The following UBE3B variants were observed in gnomAD, a reference collection of about 807,000 sequenced individuals.
UBE3B encodes the protein ubiquitin protein ligase E3B.
UBE3B carries 80 observed loss-of-function variants against 132.3 expected under a neutral mutation model. The ratio of observed to expected loss-of-function variants is 0.60; its 90% confidence interval spans 0.50 to 0.73. UBE3B has a LOEUF of 0.73. UBE3B is among the 30% of genes least tolerant of loss of function. UBE3B has a pLI of 0.00. For synonymous variants in UBE3B, 487 were observed against 520.4 expected, an observed-to-expected ratio of 0.94 and a Z score of 0.87; for missense variants, 1,196 against 1,362.5, an observed-to-expected ratio of 0.88 and a Z score of 1.92.
At chr12:109,499,941 TAAA>T in intron 12 of UBE3B, 131 bp downstream of exon 12, 2 of 806,016 alleles carry the variant, frequency 2.5e-6, no homozygotes, top group Non-Finnish European at 3.3e-6. Context: ...TATATATTAA[TAAA>T]TTGTGAGTAA....
intron 24 of UBE3B, chr12:109,528,335 C>T (rs1162969214): frequency 8.1e-6 from 8 of 985,176 alleles, no homozygotes; most frequent in Non-Finnish European, 9.6e-6. Context: ...TAAAGTGGAG[C>T]AGTACTCGTC....
At chr12:109,488,740 T>C (rs1876933052) in intron 7 of UBE3B, 72 bp downstream of exon 7, 1 of 1,458,612 alleles carries the variant, frequency 6.9e-7, no homozygotes, top group Admixed American at 1.7e-5. Flanking sequence ...TTTTTTCCTT[T>C]GTAAGAAGCA....
chr12:109,516,648 G>C lies in UBE3B; in HGVS notation c.1957-117G>C, dbSNP rs146206475. ...CTTCTAACTGGTAGCACATGTTAAG[G>C]CATCCCATTCTGCTTGCATCTCATC... On this transcript the variant is annotated intron_variant, in intron 18 of 27. Coordinates refer to ENST00000342494, the MANE Select transcript of UBE3B (RefSeq NM_130466.4). 6.5e-5 allele frequency: 97 copies of C among 1,486,608 alleles called. 1 individual carries two copies. The African/African-American group carries it at 1.2e-3, about 18-fold the overall frequency. The allele number at this position is 1,486,608 out of a possible 1,614,324, so 92.1% of individuals were successfully genotyped here. A position where few individuals can be genotyped will look rare whatever the true frequency, so the allele number is the denominator to read the frequency against.
At position 109,511,388 on chromosome 12, in the gene UBE3B, G is replaced by A; in HGVS notation, c.1956+85G>A. On this transcript the variant is annotated intron_variant, in intron 18 of 27. Transcript: ENST00000342494. Reference sequence around the variant, plus strand: ...CCTTTCCATCCTTGCTATGGCAATTGGAGGTGACTAAGTGGGATCATTCAT... The same window carrying A: ...CCTTTCCATCCTTGCTATGGCAATTAGAGGTGACTAAGTGGGATCATTCAT... 3 of 1,231,160 alleles carry A rather than the reference G, an allele frequency of 2.4e-6. No individual in the cohort carries two copies. In the South Asian group the frequency reaches 4.0e-5, roughly 16 times the overall value. 76.3% of individuals were successfully genotyped at this position (1,231,160 alleles called of 1,614,324 possible).
rs1018658440 is a variant in UBE3B at position 109,498,490 on chromosome 12, A to G, written c.940+137A>G. The G allele has an allele frequency of 5.8e-5, 58 of 1,006,924 alleles. No homozygotes were observed. In the African/African-American group the frequency reaches 8.2e-4, roughly 14 times the overall value. The allele number at this position is 1,006,924 out of a possible 1,614,324, so 62.4% of individuals were successfully genotyped here. On this transcript the variant is annotated intron_variant, in intron 11 of 27. Coordinates refer to ENST00000342494, the MANE Select transcript of UBE3B (RefSeq NM_130466.4). ...CTTACAATAAAAAACACGTATTTAG[A>G]TAGACAGTTAAAATAGACATGTAAA...
intron 19 of UBE3B, among the ~76,000 whole-genome samples, chr12:109,518,410 A>T (rs1238958356): frequency 6.6e-6 from 1 of 152,234 alleles, no homozygotes; most frequent in Non-Finnish European, 1.5e-5. Context: ...GAACTCTGTA[A>T]AGTGCCTAGA....
At chr12:109,485,725 G>T (rs987277171) in intron 4 of UBE3B, among the ~76,000 whole-genome samples, 1 of 152,210 alleles carries the variant, frequency 6.6e-6, no homozygotes, top group Non-Finnish European at 1.5e-5. Flanking sequence ...TTGCCAGATT[G>T]ATACTGTTTT....
At position 109,526,383 on chromosome 12, in the gene UBE3B, G is replaced by A. The variant is rs1170747250; in HGVS notation, c.2594G>A (p.Gly865Glu). ...CTTGTTTGCCATGAACTGATTCCTG[G>A]AGGGAAGACCATTCCTGTTACAAAT... is the stretch of plus-strand genomic sequence containing the variant. ...GQLVCHELIP[G>E]GKTIPVTNEN... The change falls in exon 24 of 28, where the codon GGA (glycine) becomes GAA (glutamate). Residue 865 changes from glycine (G) to glutamate (E), a missense_variant. Physicochemically the swap from Gly to Glu is moderately conservative, Grantham distance 98. Coordinates refer to ENST00000342494, the MANE Select transcript of UBE3B (RefSeq NM_130466.4). The A allele has an allele frequency of 1.2e-6, 2 of 1,614,118 alleles. No individual in the cohort carries two copies. The highest frequency in any genetic ancestry group is 2.2e-5 in the East Asian group (1 of 44,874).
intron 8 of UBE3B, chr12:109,490,714 T>C: frequency 7.0e-7 from 1 of 1,433,240 alleles, no homozygotes; most frequent in Non-Finnish European, 9.1e-7. Flanking sequence ...AAAGAATTTC[T>C]AACCATAATA....
chr12:109,530,136 G>C (rs1054339356), intron 25 of UBE3B, 64 bp downstream of exon 25: 3 of 1,589,372 alleles, frequency 1.9e-6, no homozygotes, highest in African/African-American at 1.3e-5. Context: ...CTGCTCCCTC[G>C]CTGGGTTCCT....
Position 109,511,530 on chromosome 12 carries a change from C to T in UBE3B, c.1956+227C>T, listed in dbSNP as rs138996672. Among the ~76,000 whole-genome samples the T allele has an allele frequency of 2.9e-3, 448 of 152,172 alleles. 9 individuals carry two copies. The highest frequency in any genetic ancestry group is 0.01 in the African/African-American group (426 of 41,524). ...TGCTGGTGGAGTGGCAGCCCAGGTA[C>T]GGAGACCTGACCAGCTGGAGGGAGG... On this transcript the variant is annotated intron_variant, in intron 18 of 27. Coordinates refer to ENST00000342494, the MANE Select transcript of UBE3B (RefSeq NM_130466.4).
intron 24 of UBE3B, chr12:109,528,596 G>A (rs1297757549): frequency 2.8e-6 from 2 of 706,968 alleles, no homozygotes; most frequent in African/African-American, 3.9e-5. Flanking sequence ...GCTCACACCT[G>A]TAATCCCAGC....
chr12:109,529,782 G>GTT, intron 24 of UBE3B, 108 bp from the exon 25 acceptor site: 1 of 1,359,708 alleles, frequency 7.4e-7, no homozygotes, highest in Non-Finnish European at 1.0e-6. Flanking sequence ...TACTATTTGT[G>GTT]TTTTTTGTAA....
At chr12:109,513,387 T>G (rs1880609730) in intron 18 of UBE3B, among the ~76,000 whole-genome samples, 1 of 152,252 alleles carries the variant, frequency 6.6e-6, no homozygotes, top group South Asian at 2.1e-4. Context: ...GTTCGTGGTT[T>G]CAACATGAGA....
At chr12:109,533,001 C>G (rs1211212956) in intron 26 of UBE3B, among the ~76,000 whole-genome samples, 4 of 152,200 alleles carry the variant, frequency 2.6e-5, no homozygotes, top group Non-Finnish European at 5.9e-5. Flanking sequence ...CTCCCGGGCT[C>G]CCTCTGTTCG....
intron 9 of UBE3B, among the ~76,000 whole-genome samples, chr12:109,495,574 A>G (rs1878082169): frequency 6.6e-6 from 1 of 152,236 alleles, no homozygotes; most frequent in South Asian, 2.1e-4. Flanking sequence ...GGAGTAGGAA[A>G]TCAGGGGTCT....
At chr12:109,502,018 A>G (rs1592918203) in intron 13 of UBE3B, among the ~76,000 whole-genome samples, 1 of 152,280 alleles carries the variant, frequency 6.6e-6, no homozygotes, top group African/African-American at 2.4e-5. Flanking sequence ...GTTCATATAT[A>G]GCAAAACAAA....
At chr12:109,499,921 A>G (rs1252397738) in intron 12 of UBE3B, 111 bp downstream of exon 12, 1 of 997,586 alleles carries the variant, frequency 1.0e-6, no homozygotes, top group Non-Finnish European at 1.3e-6. Context: ...TAAAAATAAT[A>G]TGTATTCATT....
chr12:109,529,139 T>G (rs1279701086), intron 24 of UBE3B, among the ~76,000 whole-genome samples: 1 of 152,104 alleles, frequency 6.6e-6, no homozygotes. Flanking sequence ...CCAGCCTGGG[T>G]GACGGAGTGA....
Sources: gnomAD v4.1 joint callset for allele counts (sites outside exome capture counted in the v4.1 genomes callset) on GRCh38, gnomAD v4.1.1 for gene constraint, MANE v1.5 for transcripts, NCBI Gene and HGNC (gene_info 2026-07-23, HGNC 2026-07-21) for gene names.